Variants in RERE observed in about 807,000 individuals in gnomAD.
The protein encoded by RERE is arginine-glutamic acid dipeptide repeats.
In RERE, 40 loss-of-function variants were observed where a neutral mutation model predicts 146.1. That is an observed-to-expected ratio of 0.27 (90% CI 0.21 to 0.36). The LOEUF (loss-of-function observed/expected upper bound fraction) is 0.36. Ranked by LOEUF, RERE falls within the 10% of genes least tolerant of loss-of-function variation. RERE has a pLI of 1.00. For synonymous variants in RERE, 1,003 were observed against 866.0 expected (o/e 1.16, Z -2.78); for missense variants, 1,933 against 2,138.7 (o/e 0.90, Z 1.90).
chr1:8,663,792 C>T (rs1053689373), intron 1 of RERE, among the ~76,000 whole-genome samples: 8 of 152,282 alleles, frequency 5.3e-5, no homozygotes, highest in African/African-American at 1.2e-4. Context: ...CTCTCCCCTA[C>T]TGCTTCCACC....
At chr1:8,746,318 G>C (rs1640419685) in intron 1 of RERE, among the ~76,000 whole-genome samples, 1 of 151,944 alleles carries the variant, frequency 6.6e-6, no homozygotes, top group African/African-American at 2.4e-5. Flanking sequence ...ACTTCATATG[G>C]GGACCTAATA....
chr1:8,750,660 C>G, intron 1 of RERE: 1 of 883,636 alleles, frequency 1.1e-6, no homozygotes, highest in Non-Finnish European at 1.9e-6. Flanking sequence ...GCAAGAAAAG[C>G]TGGCAACTTC....
At chr1:8,544,363 G>C (rs906472849) in intron 6 of RERE, among the ~76,000 whole-genome samples, 1 of 151,824 alleles carries the variant, frequency 6.6e-6, no homozygotes, top group African/African-American at 2.4e-5. Context: ...TTCATGAAAG[G>C]TTTATTCATA....
At chr1:8,708,345 C>G (rs938141930) in intron 1 of RERE, among the ~76,000 whole-genome samples, 1 of 152,110 alleles carries the variant, frequency 6.6e-6, no homozygotes, top group African/African-American at 2.4e-5. Flanking sequence ...GAGTCTCACT[C>G]TGACCCCCAG....
chr1:8,409,908 C>T (rs1204011791), intron 12 of RERE, among the ~76,000 whole-genome samples: 1 of 150,968 alleles, frequency 6.6e-6, no homozygotes, highest in Non-Finnish European at 1.5e-5. Flanking sequence ...TGCTCAGGTC[C>T]ATTCTAAGTG....
chr1:8,805,008 G>T (rs6577526), intron 1 of RERE, among the ~76,000 whole-genome samples: 42,227 of 77,502 alleles, frequency 0.54, 9,331 homozygotes, highest in African/African-American at 0.57. Flanking sequence ...TTTGTTTTTG[G>T]TTTTTTTTTT....
rs566753880 is a variant in RERE, at chr1:8,360,139, G to T, written c.3368C>A (p.Thr1123Asn). ...AGCTGACTGGCTGGCGTGACTGGGG[G>T]TGTCCACCACAGTGGGCTCCGGGGA... ...SPSPEPTVVD[T>N]PSHASQSARF... Residue 1123 changes from threonine to asparagine, a missense_variant, in exon 18 of 23, where the codon ACC becomes AAC. By Grantham distance (65) the Thr-to-Asn change is moderately conservative. This residue lies in a region of RERE where 1,255 missense variants were observed against 1,153.8 expected (regional missense o/e 1.09). Coordinates refer to ENST00000400908, the MANE Select transcript of RERE (RefSeq NM_001042681.2). The T allele has an allele frequency of 3.3e-5, 53 of 1,589,916 alleles. 1 individual carries two copies. In the South Asian group the frequency reaches 5.4e-4, roughly 16 times the overall value.
At chr1:8,805,811 G>A (rs964297968) in intron 1 of RERE, 8 of 150,780 alleles carry the variant, frequency 5.3e-5, no homozygotes, top group African/African-American at 1.9e-4. Flanking sequence ...TGGGCAACAG[G>A]AGCGAGACTC....
intron 11 of RERE, among the ~76,000 whole-genome samples, chr1:8,439,485 T>A (rs1256987468): frequency 6.6e-6 from 1 of 152,202 alleles, no homozygotes; most frequent in Non-Finnish European, 1.5e-5. Flanking sequence ...AATGTCAAGA[T>A]GTTAAAGAAA....
At chr1:8,401,278 C>T (rs897682570) in intron 12 of RERE, among the ~76,000 whole-genome samples, 13 of 151,760 alleles carry the variant, frequency 8.6e-5, no homozygotes, top group African/African-American at 3.1e-4. Context: ...CAGTATCTCC[C>T]ACCTCACATA....
At chr1:8,579,173 T>A (rs1646333069) in intron 4 of RERE, among the ~76,000 whole-genome samples, 1 of 152,216 alleles carries the variant, frequency 6.6e-6, no homozygotes. Context: ...ATTTCATGGC[T>A]ACGTAGAAAT....
intron 12 of RERE, among the ~76,000 whole-genome samples, chr1:8,406,683 A>C (rs1326828759): frequency 6.6e-6 from 1 of 152,220 alleles, no homozygotes; most frequent in East Asian, 1.9e-4. Flanking sequence ...CTGAAAGTCA[A>C]GGGTTACACA....
rs761609705 is a variant in RERE at position 8,401,069 on chromosome 1, A to ATATATATATATATG, written c.1284+21657_1284+21658insCATATATATATATA. On this transcript the variant is annotated intron_variant, in intron 12 of 22. Coordinates refer to ENST00000400908, the MANE Select transcript of RERE (RefSeq NM_001042681.2). ...TATATATATATATATATATATATAT[A>ATATATATATATATG]TATGTCACTTAATAGTTTTTGGGAG... Among the ~76,000 whole-genome samples the ATATATATATATATG allele has an allele frequency of 1.3e-3, 114 of 85,060 alleles. 1 individual carries two copies. Among genetic ancestry groups the ATATATATATATATG allele is most frequent in the Middle Eastern group, 0.013 (1 of 78 alleles). The allele number at this position is 85,060 out of a possible 152,430, so 55.8% of individuals were successfully genotyped here.
intron 4 of RERE, among the ~76,000 whole-genome samples, chr1:8,564,324 C>A (rs1413536701): frequency 1.3e-5 from 2 of 152,152 alleles, no homozygotes; most frequent in Admixed American, 6.5e-5. Flanking sequence ...AATGAGATAT[C>A]TTGGGGATGG....
intron 1 of RERE, chr1:8,750,410 C>A: frequency 1.4e-6 from 1 of 740,504 alleles, no homozygotes; most frequent in East Asian, 2.5e-5. Flanking sequence ...AAACCAGTAG[C>A]CTCTTTTTCC....
At chr1:8,721,866 T>A (rs1004779793) in intron 1 of RERE, among the ~76,000 whole-genome samples, 7 of 152,116 alleles carry the variant, frequency 4.6e-5, no homozygotes, top group African/African-American at 1.7e-4. Context: ...CTTATCTCTG[T>A]CTTGACAGCA....
At chr1:8,559,300 A>AAAAAAAAAAAAAAAC in intron 4 of RERE, among the ~76,000 whole-genome samples, 1 of 145,868 alleles carries the variant, frequency 6.9e-6, no homozygotes, top group Non-Finnish European at 1.5e-5. Context: ...AAAAAAAAAA[A>AAAAAAAAAAAAAAAC]AAAACAGAAC....
intron 1 of RERE, among the ~76,000 whole-genome samples, chr1:8,801,364 G>A (rs1641588886): frequency 6.6e-6 from 1 of 151,890 alleles, no homozygotes; most frequent in African/African-American, 2.4e-5. Context: ...CCACCTCCCA[G>A]ATTCAAGTGA....
chr1:8,360,634 G>A lies in RERE; in HGVS notation c.2873C>T (p.Ser958Phe). The change falls in exon 18 of 23, where the codon TCC becomes TTC. Residue 958 changes from serine to phenylalanine, a missense_variant. Coordinates refer to ENST00000400908, the MANE Select transcript of RERE (RefSeq NM_001042681.2). ...AGGGGGAGGCAGGTTGGCATTCATG[G>A]AGAAGGGTGAGGGCCCCGAGAGGTG... The part of the protein sequence containing the change: ...PPHLSGPSPF[S>F]MNANLPPPPA... The A allele has an allele frequency of 6.6e-7, 1 of 1,517,052 alleles. No homozygotes were observed. Among genetic ancestry groups the A allele is most frequent in the South Asian group, 1.3e-5 (1 of 76,576 alleles). The allele number at this position is 1,517,052 out of a possible 1,614,324, so 94.0% of individuals were successfully genotyped here.
Sources: gnomAD v4.1 joint callset for allele counts (sites outside exome capture counted in the v4.1 genomes callset) on GRCh38, gnomAD v4.1.1 for gene constraint, gnomAD v4.1.1 regional missense constraint, MANE v1.5 for transcripts, NCBI Gene and HGNC (gene_info 2026-07-23, HGNC 2026-07-21) for gene names.